Variants in TTC28 observed in about 807,000 individuals in gnomAD.
TTC28 encodes the protein tetratricopeptide repeat protein 28.
A neutral mutation model predicts 198.0 loss-of-function variants in TTC28; 61 were observed. That is an observed-to-expected ratio of 0.31 (90% CI 0.25 to 0.38). The LOEUF (loss-of-function observed/expected upper bound fraction) is 0.38, where lower values mean the gene tolerates loss of function less well. Ranked by LOEUF, TTC28 falls within the 10% of genes least tolerant of loss-of-function variation. TTC28 has a pLI of 1.00. For missense variants in TTC28, 2,678 were observed against 3,164.0 expected, an observed-to-expected ratio of 0.85 and a Z score of 3.69; for synonymous variants, 1,171 against 1,297.8, an observed-to-expected ratio of 0.90 and a Z score of 2.10.
chr22:28,480,065 C>A (rs184077553), intron 2 of TTC28, among the ~76,000 whole-genome samples: 1 of 152,172 alleles, frequency 6.6e-6, no homozygotes, highest in Admixed American at 6.5e-5. Flanking sequence ...GAAGATGAGG[C>A]AAAGCCAAAT....
intron 12 of TTC28, among the ~76,000 whole-genome samples, chr22:28,086,094 G>C (rs951024281): frequency 3.8e-4 from 58 of 152,012 alleles, no homozygotes; most frequent in African/African-American, 1.4e-3. Flanking sequence ...GTCAACATTA[G>C]ACAGATCAAC....
chr22:28,147,194 G>A (rs1313802148), intron 6 of TTC28, among the ~76,000 whole-genome samples: 1 of 152,156 alleles, frequency 6.6e-6, no homozygotes, highest in African/African-American at 2.4e-5. Context: ...TTTCGGTCGG[G>A]AACAACATGC....
At chr22:28,474,711 C>T (rs536024913) in intron 2 of TTC28, among the ~76,000 whole-genome samples, 3 of 152,252 alleles carry the variant, frequency 2.0e-5, no homozygotes, top group Admixed American at 6.5e-5. Context: ...AAGTATATAG[C>T]GCAGCCAGAT....
intron 2 of TTC28, among the ~76,000 whole-genome samples, chr22:28,503,565 C>T (rs1028154733): frequency 2.0e-5 from 3 of 152,132 alleles, no homozygotes; most frequent in African/African-American, 7.2e-5. Context: ...AATAAAAATG[C>T]TACCTCACTG....
chr22:28,254,041 T>C (rs1434032531), intron 5 of TTC28, among the ~76,000 whole-genome samples: 1 of 150,846 alleles, frequency 6.6e-6, no homozygotes, highest in Non-Finnish European at 1.5e-5. Flanking sequence ...GAGGCGGAGG[T>C]TGCAGTGAGC....
intron 6 of TTC28, among the ~76,000 whole-genome samples, chr22:28,146,336 T>C (rs1416055376): frequency 6.6e-6 from 1 of 152,236 alleles, no homozygotes; most frequent in Admixed American, 6.5e-5. Context: ...AGTAAAGGAT[T>C]TAGCACATAG....
chr22:28,385,478 T>A (rs1271270985), intron 2 of TTC28, among the ~76,000 whole-genome samples: 5 of 151,712 alleles, frequency 3.3e-5, no homozygotes, highest in Non-Finnish European at 7.4e-5. Context: ...AGTTTTAGGT[T>A]CACAGCAAGA....
At chr22:28,389,457 G>T (rs2046676207) in intron 2 of TTC28, among the ~76,000 whole-genome samples, 1 of 150,596 alleles carries the variant, frequency 6.6e-6, no homozygotes, top group South Asian at 2.1e-4. Flanking sequence ...ATTCGGCAGT[G>T]AATCCATCTG....
intron 2 of TTC28, among the ~76,000 whole-genome samples, chr22:28,457,396 C>T (rs570758245): frequency 6.6e-6 from 1 of 152,292 alleles, no homozygotes; most frequent in Non-Finnish European, 1.5e-5. Context: ...ACGATTTTAG[C>T]ACCACCACTA....
At chr22:28,216,944 T>C (rs1927452671) in intron 5 of TTC28, among the ~76,000 whole-genome samples, 2 of 152,104 alleles carry the variant, frequency 1.3e-5, no homozygotes, top group African/African-American at 2.4e-5. Flanking sequence ...AGTTTTCTCC[T>C]GGGCTCAAGC....
At chr22:28,243,978 A>C (rs1209505172) in intron 5 of TTC28, among the ~76,000 whole-genome samples, 1 of 152,208 alleles carries the variant, frequency 6.6e-6, no homozygotes, top group African/African-American at 2.4e-5. Flanking sequence ...CTTAGATTTT[A>C]GAGGTGAGAA....
intron 2 of TTC28, among the ~76,000 whole-genome samples, chr22:28,614,268 C>T (rs1371796879): frequency 3.3e-5 from 5 of 152,098 alleles, no homozygotes; most frequent in Non-Finnish European, 7.4e-5. Context: ...AGGAGAACTA[C>T]AAAACACTGC....
At chr22:28,032,390 T>C (rs980901945) in intron 12 of TTC28, among the ~76,000 whole-genome samples, 33 of 150,668 alleles carry the variant, frequency 2.2e-4, no homozygotes, top group South Asian at 1.5e-3. Context: ...CAGAACCACA[T>C]TGATGACTGG....
intron 2 of TTC28, among the ~76,000 whole-genome samples, chr22:28,483,233 A>T (rs1195439093): frequency 6.6e-6 from 1 of 152,178 alleles, no homozygotes; most frequent in Non-Finnish European, 1.5e-5. Flanking sequence ...ATAAACAAGT[A>T]AATCATTAAT....
At position 28,199,548 on chromosome 22, in the gene TTC28, T is replaced by C. The variant is rs867696284; in HGVS notation, c.934-35949A>G. ...ACCTATACATATATATATATATATA[T>C]ACACACAAACACTAAATTATTTGTG... is the stretch of plus-strand genomic sequence containing the variant. On this transcript the variant is annotated intron_variant, in intron 5 of 22. Coordinates refer to ENST00000397906, the MANE Select transcript of TTC28 (RefSeq NM_001145418.2). Among the ~76,000 whole-genome samples, 18 of 147,474 alleles carry C rather than the reference T, an allele frequency of 1.2e-4. 2 individuals carry two copies. Among genetic ancestry groups the C allele is most frequent in the African/African-American group, 4.6e-4 (18 of 39,482 alleles).
At chr22:28,572,295 T>C (rs1034053942) in intron 2 of TTC28, among the ~76,000 whole-genome samples, 8 of 152,036 alleles carry the variant, frequency 5.3e-5, no homozygotes, top group Admixed American at 4.6e-4. Context: ...TGAGCTGAGA[T>C]TGCACCAACA....
intron 2 of TTC28, among the ~76,000 whole-genome samples, chr22:28,385,246 T>C (rs938258454): frequency 2.0e-5 from 3 of 151,144 alleles, no homozygotes; most frequent in African/African-American, 7.3e-5. Context: ...CTTTTTTTTT[T>C]CTTTGAGACA....
At chr22:28,564,233 C>T (rs1459060255) in intron 2 of TTC28, among the ~76,000 whole-genome samples, 3 of 152,120 alleles carry the variant, frequency 2.0e-5, no homozygotes, top group African/African-American at 7.2e-5. Context: ...TGTGAATACA[C>T]TAAATCCCAT....
intron 1 of TTC28, among the ~76,000 whole-genome samples, chr22:28,663,381 G>A (rs998795329): frequency 6.6e-6 from 1 of 150,840 alleles, no homozygotes; most frequent in African/African-American, 2.4e-5. Flanking sequence ...TTCCATCTGA[G>A]GTACCGGGTT....
Sources: allele counts gnomAD v4.1 joint callset (sites outside exome capture counted in the v4.1 genomes callset), GRCh38; gene constraint gnomAD v4.1.1; transcripts MANE v1.5; gene names NCBI Gene and HGNC (gene_info 2026-07-23, HGNC 2026-07-21).